The following CPS1 variants were observed in gnomAD, a reference collection of about 807,000 sequenced individuals.
The protein encoded by CPS1 is carbamoyl-phosphate synthase [ammonia], mitochondrial.
A neutral mutation model predicts 174.6 loss-of-function variants in CPS1; 109 were observed. The observed-to-expected ratio is 0.62, with a 90% CI of 0.53 to 0.73. CPS1 has a LOEUF of 0.73. Ranked by LOEUF, CPS1 falls within the 30% of genes least tolerant of loss-of-function variation. The pLI is 0.00. For synonymous variants in CPS1, 637 were observed against 632.0 expected, an observed-to-expected ratio of 1.01 and a Z score of -0.12; for missense variants, 1,689 against 1,821.9, an observed-to-expected ratio of 0.93 and a Z score of 1.33.
At chr2:210,572,893 A>G (rs566448420) in intron 1 of CPS1, among the ~76,000 whole-genome samples, 1 of 152,178 alleles carries the variant, frequency 6.6e-6, no homozygotes, top group Admixed American at 6.6e-5. Context: ...GATGAGCTGT[A>G]TGGTACAATT....
chr2:210,597,225 A>G (rs1677467914), intron 13 of CPS1, among the ~76,000 whole-genome samples: 1 of 151,846 alleles, frequency 6.6e-6, no homozygotes, highest in East Asian at 1.9e-4. Flanking sequence ...AATTCATCAC[A>G]TATTATAAAA....
chr2:210,516,672 C>T (rs1015133471), intron 1 of CPS1, among the ~76,000 whole-genome samples: 1 of 151,894 alleles, frequency 6.6e-6, no homozygotes, highest in Non-Finnish European at 1.5e-5. Context: ...GTTATCTCTA[C>T]CTCATACCCC....
intron 9 of CPS1, among the ~76,000 whole-genome samples, chr2:210,591,611 C>G (rs1230158581): frequency 1.3e-5 from 2 of 151,958 alleles, no homozygotes; most frequent in Non-Finnish European, 2.9e-5. Flanking sequence ...ATTTAATAGA[C>G]CTGCGTATTT....
intron 25 of CPS1, among the ~76,000 whole-genome samples, chr2:210,646,569 C>T (rs1366946846): frequency 6.6e-6 from 1 of 152,106 alleles, no homozygotes; most frequent in African/African-American, 2.4e-5. Context: ...GGCAGTTCTA[C>T]TAATATTCAT....
In CPS1 at chr2:210,612,274, G is replaced by C; in HGVS notation, c.2549G>C (p.Arg850Pro). 15 of 1,611,892 alleles carry C rather than the reference G, an allele frequency of 9.3e-6. No individual in the cohort carries two copies. Among genetic ancestry groups the C allele is most frequent in the Non-Finnish European group, 1.3e-5 (15 of 1,178,598 alleles). Residue 850 changes from arginine (R) to proline (P), a missense_variant, in exon 20 of 38, where the codon CGT becomes CCT. By Grantham distance (103) the Arg-to-Pro change is moderately radical. Transcript: ENST00000233072. ...GAGTTGTCTGAACCAAGCAGCACGC[G>C]TATCTATGCCATTGCCAAGGTAAGA... ...RKELSEPSSTRIYAIAKAIDD... is the reference protein window; with the variant it reads ...RKELSEPSSTPIYAIAKAIDD...
At chr2:210,557,393 GT>G in intron 1 of CPS1, among the ~76,000 whole-genome samples, 1 of 152,138 alleles carries the variant, frequency 6.6e-6, no homozygotes, top group East Asian at 1.9e-4. Context: ...CCTTCTGGCT[GT>G]TTTTTTGGGC....
At chr2:210,613,642 A>C (rs13415932) in intron 20 of CPS1, among the ~76,000 whole-genome samples, 10,774 of 151,822 alleles carry the variant, frequency 0.071, 585 homozygotes, top group African/African-American at 0.14. Context: ...TAAGTCTAGC[A>C]ATCATGTTTC....
At chr2:210,542,138 T>C (rs1696449317) in intron 1 of CPS1, among the ~76,000 whole-genome samples, 1 of 152,152 alleles carries the variant, frequency 6.6e-6, no homozygotes, top group Non-Finnish European at 1.5e-5. Context: ...AAGATAACCT[T>C]AACTTCCACA....
intron 17 of CPS1, 66 bp from the exon 18 acceptor site, chr2:210,606,664 TG>T: frequency 7.1e-7 from 1 of 1,409,192 alleles, no homozygotes; most frequent in Non-Finnish European, 1.0e-6. Context: ...TGCAAGTAGA[TG>T]GTTAAGTCGC....
intron 1 of CPS1, among the ~76,000 whole-genome samples, chr2:210,488,223 GA>G (rs1212234493): frequency 1.3e-4 from 20 of 151,940 alleles, no homozygotes; most frequent in African/African-American, 4.6e-4. Flanking sequence ...AAAAAGAAGA[GA>G]AAAAATCAGA....
rs116692731 is a variant in CPS1, at chr2:210,656,192, T to C, written c.3559-333T>C. Among the ~76,000 whole-genome samples, 915 of 152,310 alleles carry C rather than the reference T, an allele frequency of 6.0e-3. 3 individuals are homozygous for C. Among genetic ancestry groups the C allele is most frequent in the Non-Finnish European group, 1.0e-2 (680 of 68,020 alleles). ...TTTCCCAGTGCCTAAAAGATAAAGATATTTTAAGTGCTTTTCAAATGCTTT... is the reference window on the plus strand; with the variant it reads ...TTTCCCAGTGCCTAAAAGATAAAGACATTTTAAGTGCTTTTCAAATGCTTT... On this transcript the variant is annotated intron_variant, in intron 29 of 37. Coordinates refer to ENST00000233072, the MANE Select transcript of CPS1 (RefSeq NM_001875.5).
intron 21 of CPS1, among the ~76,000 whole-genome samples, chr2:210,633,309 C>T (rs1432335132): frequency 2.0e-5 from 3 of 152,038 alleles, no homozygotes; most frequent in African/African-American, 7.2e-5. Context: ...TAACTCACTT[C>T]ACTTTTTAAT....
intron 17 of CPS1, 89 bp from the exon 18 acceptor site, chr2:210,606,642 T>G: frequency 8.5e-7 from 1 of 1,171,096 alleles, no homozygotes; most frequent in Non-Finnish European, 1.3e-6. Context: ...GACTGTTCTA[T>G]GTCTTGCATC....
intron 1 of CPS1, among the ~76,000 whole-genome samples, chr2:210,509,696 A>T (rs1695396742): frequency 6.6e-6 from 1 of 152,212 alleles, no homozygotes; most frequent in South Asian, 2.1e-4. Flanking sequence ...AGGATACAAA[A>T]TCAATGTGCA....
chr2:210,579,933 C>T, intron 5 of CPS1, 163 bp downstream of exon 5: 1 of 647,766 alleles, frequency 1.5e-6, no homozygotes, highest in Non-Finnish European at 2.7e-6. Flanking sequence ...TTACTATTTT[C>T]ACTGTAATTT....
intron 1 of CPS1, among the ~76,000 whole-genome samples, chr2:210,564,655 C>T (rs1003180887): frequency 1.3e-5 from 2 of 152,086 alleles, no homozygotes; most frequent in Non-Finnish European, 2.9e-5. Flanking sequence ...GGATTACAGG[C>T]GTGAGCCACC....
intron 29 of CPS1, among the ~76,000 whole-genome samples, chr2:210,655,812 C>A (rs1700686531): frequency 6.6e-6 from 1 of 152,136 alleles, no homozygotes; most frequent in African/African-American, 2.4e-5. Context: ...TTATTTAAGT[C>A]TTTTATACCT....
intron 1 of CPS1, among the ~76,000 whole-genome samples, chr2:210,522,964 T>TA (rs1414892039): frequency 1.2e-4 from 18 of 152,014 alleles, no homozygotes; most frequent in African/African-American, 4.3e-4. Context: ...ATCCATTATT[T>TA]ATTGTAAACA....
Position 210,608,383 on chromosome 2 carries a change from G to T in CPS1, c.2215G>T (p.Ala739Ser). ...TAGCTACCCATTGGCATTCATTGCT[G>T]CAAAGATTGCCCTAGGAATCCCACT... ...ATGYPLAFIA[A>S]KIALGIPLPE... The change falls in exon 19 of 38, where the codon GCA (alanine) becomes TCA (serine). Residue 739 changes from alanine to serine, a missense_variant. Physicochemically the swap from Ala to Ser is moderately conservative, Grantham distance 99. Transcript: ENST00000233072. 1 of 1,612,122 alleles carries T rather than the reference G, an allele frequency of 6.2e-7. No individual in the cohort carries two copies. The highest frequency in any genetic ancestry group is 8.5e-7 in the Non-Finnish European group (1 of 1,178,810).
Sources: gnomAD v4.1 joint callset for allele counts (sites outside exome capture counted in the v4.1 genomes callset) on GRCh38, gnomAD v4.1.1 for gene constraint, MANE v1.5 for transcripts, NCBI Gene and HGNC (gene_info 2026-07-23, HGNC 2026-07-21) for gene names.